Variants in CSMD1 observed in about 807,000 individuals in gnomAD.
CSMD1 encodes the protein CUB and sushi domain-containing protein 1.
Under a neutral mutation model 417.5 loss-of-function variants are expected in CSMD1, and 213 were observed. That is an observed-to-expected ratio of 0.51 (90% CI 0.46 to 0.57). The LOEUF (loss-of-function observed/expected upper bound fraction) is 0.57, where lower values mean the gene tolerates loss of function less well. CSMD1 is among the 20% of genes least tolerant of loss of function. The pLI is 0.00. For synonymous variants in CSMD1, 2,862 were observed against 1,736.8 expected (o/e 1.65, Z -16.11); for missense variants, 6,923 against 4,529.7 (o/e 1.53, Z -15.17).
At chr8:4,994,299 C>T (rs1387286716) in intron 1 of CSMD1, 33 bp downstream of exon 1, 4 of 1,596,960 alleles carry the variant, frequency 2.5e-6, no homozygotes, top group Middle Eastern at 1.7e-4. Flanking sequence ...GAGGGCTCTA[C>T]CGCCTCCCCG....
At chr8:4,454,984 TAGG>T (rs1479594379) in intron 2 of CSMD1, among the ~76,000 whole-genome samples, 2 of 152,150 alleles carry the variant, frequency 1.3e-5, no homozygotes, top group East Asian at 1.9e-4. Context: ...ATGGCAGAGT[TAGG>T]AGAAGGGCTC....
chr8:3,145,162 A>C (rs896558176), intron 40 of CSMD1, among the ~76,000 whole-genome samples: 3 of 152,094 alleles, frequency 2.0e-5, no homozygotes, highest in African/African-American at 7.2e-5. Flanking sequence ...TGCTCACATT[A>C]ATCCCAATCA....
chr8:4,707,514 G>T (rs536932850), intron 1 of CSMD1, among the ~76,000 whole-genome samples: 1 of 152,142 alleles, frequency 6.6e-6, no homozygotes, highest in Non-Finnish European at 1.5e-5. Flanking sequence ...GTAGGAGTCC[G>T]TGAACAGTTA....
chr8:4,038,308 G>T (rs989531074), intron 3 of CSMD1, among the ~76,000 whole-genome samples: 1 of 151,834 alleles, frequency 6.6e-6, no homozygotes. Flanking sequence ...ACCAAAAAAC[G>T]CAAAACAGAC....
chr8:4,862,067 T>C (rs540681645), intron 1 of CSMD1, among the ~76,000 whole-genome samples: 20 of 152,052 alleles, frequency 1.3e-4, no homozygotes, highest in Middle Eastern at 3.2e-3. Context: ...AGGGAAATGC[T>C]ACTGGGAATG....
chr8:4,211,464 G>T (rs1347696952), intron 3 of CSMD1, among the ~76,000 whole-genome samples: 1 of 152,166 alleles, frequency 6.6e-6, no homozygotes, highest in Non-Finnish European at 1.5e-5. Context: ...CAAATGAGAA[G>T]ATTTTAGCTC....
At chr8:4,214,037 A>G (rs980854463) in intron 3 of CSMD1, among the ~76,000 whole-genome samples, 1 of 152,242 alleles carries the variant, frequency 6.6e-6, no homozygotes, top group African/African-American at 2.4e-5. Context: ...ATGGACAAAA[A>G]GGAAAATGCA....
intron 3 of CSMD1, among the ~76,000 whole-genome samples, chr8:4,141,888 G>A (rs922029076): frequency 6.6e-6 from 1 of 150,986 alleles, no homozygotes. Context: ...CTACAAGGAG[G>A]AAAGAAAACA....
intron 2 of CSMD1, among the ~76,000 whole-genome samples, chr8:4,462,976 T>C (rs1421371439): frequency 6.6e-6 from 1 of 152,180 alleles, no homozygotes; most frequent in Non-Finnish European, 1.5e-5. Context: ...AATTTTAAAC[T>C]TTGTATTTCA....
At chr8:4,800,301 C>A (rs527697157) in intron 1 of CSMD1, among the ~76,000 whole-genome samples, 5 of 151,904 alleles carry the variant, frequency 3.3e-5, no homozygotes, top group Non-Finnish European at 7.4e-5. Flanking sequence ...CATGGTGGTG[C>A]ACACATGTAA....
chr8:4,584,788 A>C (rs1444969197), intron 2 of CSMD1, among the ~76,000 whole-genome samples: 2 of 152,110 alleles, frequency 1.3e-5, no homozygotes, highest in African/African-American at 4.8e-5. Flanking sequence ...CTCTGAGGTT[A>C]GGCCCGCTTC....
In CSMD1 at chr8:4,791,204, G is replaced by A. The variant is rs1029120897; in HGVS notation, c.86-153646C>T. 3.9e-5 allele frequency among the ~76,000 whole-genome samples: 6 copies of A among 152,100 alleles called. No homozygotes were observed. In the South Asian group the frequency reaches 1.3e-3, roughly 32 times the overall value. ...CAGACCACTGGTCTTGAGAGGAGAGGTGCGTGGAAGAAGCAGAGGCAGAAG... is the reference window on the plus strand; with the variant it reads ...CAGACCACTGGTCTTGAGAGGAGAGATGCGTGGAAGAAGCAGAGGCAGAAG... On this transcript the variant is annotated intron_variant, in intron 1 of 69. Coordinates refer to ENST00000635120, the MANE Select transcript of CSMD1 (RefSeq NM_033225.6).
chr8:3,679,768 T>C (rs1343174706), intron 7 of CSMD1, among the ~76,000 whole-genome samples: 1 of 152,182 alleles, frequency 6.6e-6, no homozygotes, highest in Non-Finnish European at 1.5e-5. Context: ...ATTTCAAAAT[T>C]GACCACATAG....
chr8:4,007,107 G>A (rs1358549761), intron 4 of CSMD1, among the ~76,000 whole-genome samples: 2 of 151,770 alleles, frequency 1.3e-5, no homozygotes, highest in Non-Finnish European at 2.9e-5. Flanking sequence ...CAAAGTTTTG[G>A]TATTACAGGT....
intron 23 of CSMD1, among the ~76,000 whole-genome samples, chr8:3,316,316 G>A (rs1006163781): frequency 6.6e-6 from 1 of 152,034 alleles, no homozygotes; most frequent in Non-Finnish European, 1.5e-5. Context: ...GGAAAATAAT[G>A]AGCTGTAAAA....
chr8:4,350,826 T>G (rs963567167), intron 3 of CSMD1, among the ~76,000 whole-genome samples: 1 of 152,186 alleles, frequency 6.6e-6, no homozygotes, highest in African/African-American at 2.4e-5. Context: ...TGACTTTGCT[T>G]TCCTTAGCTG....
At position 4,034,786 on chromosome 8, in the gene CSMD1, G is replaced by C. The variant is rs919079711; in HGVS notation, c.416-2687C>G. Reference sequence around the variant, plus strand: ...CTTCTTAGGGTCATTATTATTAACTGCTACTGCTAATTCTTCTTAGAAGGC... The same window carrying C: ...CTTCTTAGGGTCATTATTATTAACTCCTACTGCTAATTCTTCTTAGAAGGC... On this transcript the variant is annotated intron_variant, in intron 3 of 69. Coordinates refer to ENST00000635120, the MANE Select transcript of CSMD1 (RefSeq NM_033225.6). Among the ~76,000 whole-genome samples the C allele has an allele frequency of 3.3e-5, 5 of 152,230 alleles. No individual in the cohort carries two copies. In the East Asian group the frequency reaches 9.7e-4, roughly 29 times the overall value.
chr8:4,592,964 T>A lies in CSMD1; in HGVS notation c.302+44378A>T, dbSNP rs143296355. Among the ~76,000 whole-genome samples, 754 of 152,340 alleles carry A rather than the reference T, an allele frequency of 4.9e-3. 4 individuals are homozygous for A. The highest frequency in any genetic ancestry group is 0.017 in the African/African-American group (724 of 41,568). ...GAGGTTTGCTGTAGTTTTCTTTCTA[T>A]ATGTGTTTTCTCAGGCTTTCCTGTG... On this transcript the variant is annotated intron_variant, in intron 2 of 69. Coordinates refer to ENST00000635120, the MANE Select transcript of CSMD1 (RefSeq NM_033225.6).
At chr8:3,700,327 G>A (rs1224370193) in intron 7 of CSMD1, among the ~76,000 whole-genome samples, 1 of 152,176 alleles carries the variant, frequency 6.6e-6, no homozygotes, top group African/African-American at 2.4e-5. Flanking sequence ...ATATTCTACT[G>A]GGAGATGTGA....
Sources: gnomAD v4.1 joint callset for allele counts (sites outside exome capture counted in the v4.1 genomes callset) on GRCh38, gnomAD v4.1.1 for gene constraint, MANE v1.5 for transcripts, NCBI Gene and HGNC (gene_info 2026-07-23, HGNC 2026-07-21) for gene names.